CPAMD8: variants seen among roughly 807,000 people sequenced by gnomAD.
The protein encoded by CPAMD8 is C3 and PZP like alpha-2-macroglobulin domain containing 8.
A neutral mutation model predicts 224.7 loss-of-function variants in CPAMD8; 146 were observed. The ratio of observed to expected loss-of-function variants is 0.65; its 90% CI spans 0.57 to 0.75. The LOEUF (loss-of-function observed/expected upper bound fraction) is 0.75, where lower values mean the gene tolerates loss of function less well. Ranked by LOEUF, CPAMD8 falls within the 30% of genes least tolerant of loss-of-function variation. CPAMD8 has a pLI of 0.00. For synonymous variants in CPAMD8, 966 were observed against 1,044.6 expected (o/e 0.92, Z 1.45); for missense variants, 2,301 against 2,537.5 (o/e 0.91, Z 2.00).
chr19:16,993,925 T>C (rs75287677), intron 11 of CPAMD8, among the ~76,000 whole-genome samples: 520 of 152,146 alleles, frequency 3.4e-3, no homozygotes, highest in Non-Finnish European at 6.3e-3. Flanking sequence ...CTGGGTAACA[T>C]AGTGAGACCT....
chr19:17,002,410 C>T, intron 8 of CPAMD8, 60 bp from the exon 9 acceptor site: 1 of 1,184,464 alleles, frequency 8.4e-7, no homozygotes, highest in South Asian at 1.3e-5. Flanking sequence ...CCTCAGGAGC[C>T]CTGACACCGG....
In CPAMD8 at chr19:16,929,222, G is replaced by A; in HGVS notation, c.2864C>T (p.Thr955Ile). ...FCPSERVHIS[T>I]PNKYEFQYVQ... is the part of the protein sequence containing the mutation. ...ATACTGGAACTCATACTTGTTGGGG[G>A]TGGAGATGTGGACTCTCTCTGGATG... The change falls in exon 24 of 42, where the codon ACC becomes ATC. Residue 955 changes from threonine (T) to isoleucine (I), a missense_variant. Transcript: ENST00000443236. 1 of 1,606,152 alleles carries A rather than the reference G, an allele frequency of 6.2e-7. No homozygotes were observed. The highest frequency in any genetic ancestry group is 8.5e-7 in the Non-Finnish European group (1 of 1,173,986).
chr19:16,967,963 ATG>A (rs957011389), intron 18 of CPAMD8, among the ~76,000 whole-genome samples: 2 of 30,716 alleles, frequency 6.5e-5, no homozygotes, highest in Non-Finnish European at 1.4e-4. Flanking sequence ...CAGAATAAGG[ATG>A]TGTTTGTTCC....
chr19:16,897,934 T>C lies in CPAMD8; in HGVS notation c.4909A>G (p.Arg1637Gly), dbSNP rs2052093079. ...ACGGAGACTGGCAGCGCCGACGTCC[T>C]GCCCACCACGCACTCCCGGAGAGCA... ...FRALRECVVG[R>G]TSALPVSVYD... The change falls in exon 38 of 42, where the codon AGG becomes GGG. Residue 1637 changes from arginine to glycine, a missense_variant. Transcript: ENST00000443236. 1 of 1,611,006 alleles carries C rather than the reference T, an allele frequency of 6.2e-7. No homozygotes were observed.
chr19:16,913,353 G>A (rs2052800587), intron 29 of CPAMD8, among the ~76,000 whole-genome samples: 1 of 152,058 alleles, frequency 6.6e-6, no homozygotes, highest in South Asian at 2.1e-4. Flanking sequence ...TTAGACTGAG[G>A]TCACGAGGAT....
At chr19:16,976,859 T>C (rs1247610243) in intron 15 of CPAMD8, among the ~76,000 whole-genome samples, 3 of 152,064 alleles carry the variant, frequency 2.0e-5, no homozygotes, top group Non-Finnish European at 2.9e-5. Flanking sequence ...CTGGCCAACA[T>C]GGTGAAACCC....
At chr19:16,949,831 G>T (rs887177392) in intron 20 of CPAMD8, among the ~76,000 whole-genome samples, 2 of 152,150 alleles carry the variant, frequency 1.3e-5, no homozygotes, top group African/African-American at 4.8e-5. Context: ...GGTTCAGGGG[G>T]ACTTCCCCTT....
intron 27 of CPAMD8, among the ~76,000 whole-genome samples, chr19:16,917,423 A>G (rs1223584550): frequency 3.9e-5 from 6 of 152,204 alleles, no homozygotes; most frequent in African/African-American, 4.8e-5. Flanking sequence ...TATTTACTCA[A>G]TTTTTCTGGA....
At chr19:16,943,534 C>T (rs2053974770) in intron 22 of CPAMD8, among the ~76,000 whole-genome samples, 1 of 152,134 alleles carries the variant, frequency 6.6e-6, no homozygotes, top group Non-Finnish European at 1.5e-5. Flanking sequence ...TCCCAAAGCA[C>T]AAGGATTACA....
At chr19:16,902,607 A>G (rs1358551567) in intron 35 of CPAMD8, 42 bp downstream of exon 35, 2 of 1,314,708 alleles carry the variant, frequency 1.5e-6, no homozygotes, top group African/African-American at 1.5e-5. Context: ...CGCACATTGC[A>G]CCCTCCTGGG....
chr19:16,932,192 G>A (rs1445136968), intron 23 of CPAMD8, among the ~76,000 whole-genome samples: 2 of 152,160 alleles, frequency 1.3e-5, no homozygotes, highest in African/African-American at 4.8e-5. Flanking sequence ...TACTTTGAGG[G>A]TCAAGGCAGG....
chr19:16,896,122 G>T (rs553385063), intron 41 of CPAMD8, 54 bp downstream of exon 41: 1 of 1,595,222 alleles, frequency 6.3e-7, no homozygotes, highest in African/African-American at 1.4e-5. Context: ...GGGGAGGGAG[G>T]TGGGGAGATA....
intron 5 of CPAMD8, among the ~76,000 whole-genome samples, chr19:17,010,995 C>T (rs1183434452): frequency 6.6e-6 from 1 of 151,472 alleles, no homozygotes; most frequent in African/African-American, 2.4e-5. Context: ...TGCACTTCAG[C>T]TTGGGTGACA....
In CPAMD8 at chr19:16,914,778, G is replaced by C; in HGVS notation, c.3665C>G (p.Ala1222Gly). ...GGGGTCCACGAAGATAAAGCTGCGA[G>C]CCTGTGCGAAGGACTTCAGGACAAA... ...TAFVLKSFAQ[A>G]RSFIFVDPRE... The change falls in exon 28 of 42, where the codon GCT becomes GGT. Residue 1222 changes from alanine to glycine, a missense_variant. Coordinates refer to ENST00000443236, the MANE Select transcript of CPAMD8 (RefSeq NM_015692.5). 6.2e-7 allele frequency: 1 copy of C among 1,613,834 alleles called. No homozygotes were observed. The highest frequency in any genetic ancestry group is 8.5e-7 in the Non-Finnish European group (1 of 1,179,864).
At chr19:16,904,800 C>T (rs959575280) in intron 30 of CPAMD8, among the ~76,000 whole-genome samples, 1 of 152,210 alleles carries the variant, frequency 6.6e-6, no homozygotes, top group Non-Finnish European at 1.5e-5. Context: ...CCCAACCTTA[C>T]CCCTGGCAGA....
intron 20 of CPAMD8, among the ~76,000 whole-genome samples, chr19:16,948,815 G>GGGGAA (rs1334222063): frequency 6.2e-5 from 8 of 129,050 alleles, no homozygotes; most frequent in African/African-American, 1.5e-4. Context: ...GGGGAAGAGA[G>GGGGAA]GGGAAGGGAA....
chr19:16,945,790 T>C (rs1599755420), intron 21 of CPAMD8, 111 bp from the exon 22 acceptor site: 1 of 940,202 alleles, frequency 1.1e-6, no homozygotes, highest in Non-Finnish European at 1.7e-6. Context: ...TGTGTGTGTG[T>C]GCATGTGTGT....
At chr19:16,934,187 G>A (rs563409423) in intron 23 of CPAMD8, among the ~76,000 whole-genome samples, 26 of 152,254 alleles carry the variant, frequency 1.7e-4, no homozygotes, top group African/African-American at 6.0e-4. Context: ...ACAGGAGTGA[G>A]AGATTACAAA....
rs772779740 is a variant in CPAMD8 at position 16,902,830 on chromosome 19, C to T, written c.4504G>A (p.Ala1502Thr). ...DVTYNVPDPVAKPAFQLLVSL... is the reference protein window; with the variant it reads ...DVTYNVPDPVTKPAFQLLVSL... ...ACGAGCAGCTGGAAAGCTGGCTTGG[C>T]CACCGGGTCAGGCACATTGTAGGTG... The change falls in exon 35 of 42, where the codon GCC (alanine) becomes ACC (threonine). Residue 1502 changes from alanine to threonine, a missense_variant. Coordinates refer to ENST00000443236, the MANE Select transcript of CPAMD8 (RefSeq NM_015692.5). 6.4e-7 allele frequency: 1 copy of T among 1,558,426 alleles called. No homozygotes were observed. The highest frequency in any genetic ancestry group is 8.7e-7 in the Non-Finnish European group (1 of 1,148,918).
Sources: allele counts gnomAD v4.1 joint callset (sites outside exome capture counted in the v4.1 genomes callset), GRCh38; gene constraint gnomAD v4.1.1; transcripts MANE v1.5; gene names NCBI Gene and HGNC (gene_info 2026-07-23, HGNC 2026-07-21).